The following SMYD3 variants were observed in gnomAD, a reference collection of about 807,000 sequenced individuals.
The protein encoded by SMYD3 is histone-lysine N-methyltransferase SMYD3.
A neutral mutation model predicts 57.7 loss-of-function variants in SMYD3; 36 were observed. The observed-to-expected ratio is 0.62, with a 90% CI of 0.48 to 0.82. The LOEUF (loss-of-function observed/expected upper bound fraction) is 0.82. Among genes scored for constraint, SMYD3 ranks in the 40% least tolerant of loss-of-function variants. SMYD3 has a pLI of 0.00. For missense variants in SMYD3, 515 were observed against 538.8 expected, an observed-to-expected ratio of 0.96 and a Z score of 0.44; for synonymous variants, 211 against 195.0, an observed-to-expected ratio of 1.08 and a Z score of -0.68.
At chr1:246,437,805 A>G (rs901627980) in intron 1 of SMYD3, among the ~76,000 whole-genome samples, 4 of 152,184 alleles carry the variant, frequency 2.6e-5, no homozygotes, top group African/African-American at 9.7e-5. Flanking sequence ...AACTCTCATT[A>G]TTTCCATAAC....
intron 2 of SMYD3, among the ~76,000 whole-genome samples, chr1:246,343,628 C>T (rs2148684698): frequency 6.6e-6 from 1 of 152,324 alleles, no homozygotes; most frequent in East Asian, 1.9e-4. Flanking sequence ...AACCACAAGT[C>T]TGTATGCCAA....
At chr1:245,887,521 T>C (rs567907701) in intron 8 of SMYD3, among the ~76,000 whole-genome samples, 7 of 152,316 alleles carry the variant, frequency 4.6e-5, no homozygotes, top group African/African-American at 1.4e-4. Flanking sequence ...GAACCTTCTC[T>C]TGGGGTCTGG....
chr1:246,438,255 A>C (rs1195028787), intron 1 of SMYD3, among the ~76,000 whole-genome samples: 1 of 152,266 alleles, frequency 6.6e-6, no homozygotes, highest in Non-Finnish European at 1.5e-5. Flanking sequence ...GCCAAAATAT[A>C]AATGATGTTA....
chr1:245,858,373 T>C (rs1476329787), intron 10 of SMYD3, 123 bp downstream of exon 10: 5 of 974,272 alleles, frequency 5.1e-6, no homozygotes, highest in African/African-American at 3.3e-5. Flanking sequence ...TTTTAAACAA[T>C]GGTTGAGAAG....
rs1320671954 is a variant in SMYD3, at chr1:246,327,297, C to T, written c.435G>A (p.Arg145=). The change falls in exon 5 of 12, where the codon AGG becomes AGA. Residue 145 remains arginine (R), a synonymous_variant. Coordinates refer to ENST00000490107, the MANE Select transcript of SMYD3 (RefSeq NM_001167740.2). ...KLTEDKKEGL[R]QLVMTFQHFM... ...AATGTTGAAATGTCATTACGAGTTG[C>T]CTGAGGCCCTCTTTCTTATCTTCAG... The T allele has an allele frequency of 6.2e-7, 1 of 1,613,856 alleles. No homozygotes were observed. Among genetic ancestry groups the T allele is most frequent in the South Asian group, 1.1e-5 (1 of 91,014 alleles).
chr1:245,888,904 C>T (rs1419143927), intron 8 of SMYD3, among the ~76,000 whole-genome samples: 1 of 152,194 alleles, frequency 6.6e-6, no homozygotes, highest in Non-Finnish European at 1.5e-5. Flanking sequence ...CATTTGGTCA[C>T]CTACCATCCC....
At chr1:246,138,075 T>A (rs1054135379) in intron 5 of SMYD3, among the ~76,000 whole-genome samples, 2 of 152,190 alleles carry the variant, frequency 1.3e-5, no homozygotes, top group Non-Finnish European at 2.9e-5. Context: ...TTCCTTAAGA[T>A]AATTAAATCC....
intron 10 of SMYD3, among the ~76,000 whole-genome samples, chr1:245,833,073 A>AAAAAAAAAAAAAACAAC: frequency 3.1e-5 from 4 of 128,660 alleles, no homozygotes; most frequent in African/African-American, 1.2e-4. Flanking sequence ...AAAAAAAAAA[A>AAAAAAAAAAAAAACAAC]AACCTGCTTT....
chr1:245,979,089 G>A lies in SMYD3; in HGVS notation c.532-49152C>T, dbSNP rs556252275. Among the ~76,000 whole-genome samples the A allele has an allele frequency of 4.6e-5, 7 of 152,114 alleles. No individual in the cohort carries two copies. In the South Asian group the frequency reaches 8.3e-4, roughly 18 times the overall value. ...AATATTTAGTGAAAAGAAGAGTCTC[G>A]GCATCTTAATGAAAGAAACCTAGAT... On this transcript the variant is annotated intron_variant, in intron 5 of 11. Coordinates refer to ENST00000490107, the MANE Select transcript of SMYD3 (RefSeq NM_001167740.2).
chr1:246,130,161 T>C (rs2061566154), intron 5 of SMYD3, among the ~76,000 whole-genome samples: 1 of 152,180 alleles, frequency 6.6e-6, no homozygotes, highest in African/African-American at 2.4e-5. Context: ...ATCATAGAAT[T>C]CATCCCATCA....
At chr1:245,956,179 A>AC in intron 5 of SMYD3, 2 of 495,962 alleles carry the variant, frequency 4.0e-6, no homozygotes, top group Non-Finnish European at 5.2e-6. Flanking sequence ...GGGCCTCCCA[A>AC]AGTGTTGGGA....
intron 8 of SMYD3, among the ~76,000 whole-genome samples, chr1:245,897,158 G>A (rs1329388958): frequency 6.6e-6 from 1 of 152,164 alleles, no homozygotes; most frequent in Non-Finnish European, 1.5e-5. Flanking sequence ...ACAGAGACGT[G>A]AAAAAGAACA....
intron 5 of SMYD3, among the ~76,000 whole-genome samples, chr1:246,039,370 C>G (rs1288098804): frequency 1.3e-5 from 2 of 152,088 alleles, no homozygotes; most frequent in Non-Finnish European, 2.9e-5. Context: ...GATATGCACC[C>G]ACCACACTTC....
chr1:246,196,038 T>C (rs2062826976), intron 5 of SMYD3, among the ~76,000 whole-genome samples: 1 of 151,588 alleles, frequency 6.6e-6, no homozygotes, highest in African/African-American at 2.4e-5. Flanking sequence ...CTTCTTTATT[T>C]AAAAAAAAAC....
At chr1:246,365,132 C>G (rs2066076312) in intron 1 of SMYD3, among the ~76,000 whole-genome samples, 1 of 152,022 alleles carries the variant, frequency 6.6e-6, no homozygotes, top group Admixed American at 6.5e-5. Context: ...GTATACATCA[C>G]AGATCTCTAA....
At chr1:245,750,710 T>G (rs2045307597) in intron 11 of SMYD3, among the ~76,000 whole-genome samples, 1 of 107,864 alleles carries the variant, frequency 9.3e-6, no homozygotes, top group Non-Finnish European at 1.7e-5. Flanking sequence ...TATCCTGCCC[T>G]GCCCAAATGG....
chr1:246,160,769 G>C (rs950344907), intron 5 of SMYD3, among the ~76,000 whole-genome samples: 1 of 152,220 alleles, frequency 6.6e-6, no homozygotes, highest in Non-Finnish European at 1.5e-5. Context: ...GGGGACAGCA[G>C]TGAGTGAGGA....
intron 5 of SMYD3, among the ~76,000 whole-genome samples, chr1:246,059,176 C>A (rs1452527392): frequency 6.6e-6 from 1 of 152,208 alleles, no homozygotes; most frequent in East Asian, 1.9e-4. Flanking sequence ...GCACCCGGCC[C>A]ACAACTCCAC....
At chr1:246,043,282 G>A (rs12089263) in intron 5 of SMYD3, among the ~76,000 whole-genome samples, 9,015 of 152,206 alleles carry the variant, frequency 0.059, 332 homozygotes, top group African/African-American at 0.099. Context: ...CCTTTATTCA[G>A]ACTAATATTT....
Sources: gnomAD v4.1 joint callset for allele counts (sites outside exome capture counted in the v4.1 genomes callset) on GRCh38, gnomAD v4.1.1 for gene constraint, MANE v1.5 for transcripts, NCBI Gene and HGNC (gene_info 2026-07-23, HGNC 2026-07-21) for gene names.